Variants in TPRG1 observed in about 807,000 individuals in gnomAD.
TPRG1 encodes the protein tumor protein p63-regulated gene 1 protein.
A neutral mutation model predicts 29.3 loss-of-function variants in TPRG1; 29 were observed. The observed-to-expected ratio is 0.99, with a 90% confidence interval of 0.74 to 1.35. TPRG1 has a LOEUF of 1.35. Among genes scored for constraint, TPRG1 ranks in the 40% most tolerant of loss-of-function variants. TPRG1 has a pLI of 0.00. For missense variants in TPRG1, 327 were observed against 335.0 expected (o/e 0.98, Z 0.19); for synonymous variants, 130 against 116.8 (o/e 1.11, Z -0.73).
intron 1 of TPRG1, among the ~76,000 whole-genome samples, chr3:189,204,693 C>T (rs999788309): frequency 1.3e-5 from 2 of 152,158 alleles, no homozygotes; most frequent in African/African-American, 2.4e-5. Flanking sequence ...AGGAGCCTTT[C>T]GCAGATGTCT....
chr3:189,241,444 G>A (rs1483147926), intron 4 of TPRG1, among the ~76,000 whole-genome samples: 1 of 151,840 alleles, frequency 6.6e-6, no homozygotes, highest in Non-Finnish European at 1.5e-5. Flanking sequence ...TTCCTGTTGG[G>A]ATGTTTAATT....
At chr3:189,087,160 C>T (rs1008466374) in intron 4 of TPRG1, among the ~76,000 whole-genome samples, 1 of 152,192 alleles carries the variant, frequency 6.6e-6, no homozygotes, top group Non-Finnish European at 1.5e-5. Context: ...ACATCCTCTC[C>T]AGCACCTGTT....
intron 1 of TPRG1, among the ~76,000 whole-genome samples, chr3:189,186,756 G>A (rs1730972143): frequency 1.4e-5 from 2 of 147,740 alleles, no homozygotes. Context: ...TAGTACATAT[G>A]AAAAAAAAAA....
At chr3:189,254,572 C>G (rs1711512445) in intron 4 of TPRG1, among the ~76,000 whole-genome samples, 1 of 152,040 alleles carries the variant, frequency 6.6e-6, no homozygotes, top group Non-Finnish European at 1.5e-5. Flanking sequence ...TCAATGGTAG[C>G]TTGATGAGGA....
In TPRG1 at chr3:189,320,680, T is replaced by C. The variant is rs764928352; in HGVS notation, c.688T>C (p.Ser230Pro). The C allele has an allele frequency of 6.2e-7, 1 of 1,612,550 alleles. No individual in the cohort carries two copies. The highest frequency in any genetic ancestry group is 8.5e-7 in the Non-Finnish European group (1 of 1,179,214). The change falls in exon 6 of 6, where the codon TCA (serine) becomes CCA (proline). Residue 230 changes from serine (S) to proline (P), a missense_variant. Ser to Pro is a moderately conservative substitution (Grantham distance 74). Coordinates refer to ENST00000345063, the MANE Select transcript of TPRG1 (RefSeq NM_198485.4). ...VPAIQNAHKN[S>P]TGSGRGKKLM... ...AGCTATCCAGAATGCCCACAAGAAT[T>C]CAACTGGATCTGGAAGAGGAAAGAA... is the stretch of plus-strand genomic sequence containing the variant.
Position 189,207,493 on chromosome 3 carries a change from A to T in TPRG1, c.109A>T (p.Met37Leu). The T allele has an allele frequency of 6.2e-7, 1 of 1,614,110 alleles. No individual in the cohort carries two copies. The highest frequency in any genetic ancestry group is 8.5e-7 in the Non-Finnish European group (1 of 1,179,980). ...DHLSMEEEDP[M>L]PRQISRQSSV... is the part of the protein sequence containing the mutation. ...CCTATCGATGGAGGAAGAGGACCCG[A>T]TGCCAAGACAGATTTCAAGGCAGTC... Residue 37 changes from methionine (M) to leucine (L), a missense_variant, in exon 2 of 6, where the codon ATG (methionine) becomes TTG (leucine). Met to Leu is a conservative substitution (Grantham distance 15). Coordinates refer to ENST00000345063, the MANE Select transcript of TPRG1 (RefSeq NM_198485.4).
intron 2 of TPRG1, among the ~76,000 whole-genome samples, chr3:189,131,111 A>G (rs1318719304): frequency 6.6e-6 from 1 of 152,212 alleles, no homozygotes; most frequent in Admixed American, 6.5e-5. Flanking sequence ...ATAATTAGTA[A>G]TAATCTTACC....
At chr3:189,217,794 T>A in intron 3 of TPRG1, 1 of 978,558 alleles carries the variant, frequency 1.0e-6, no homozygotes. Flanking sequence ...GAAAAAATAA[T>A]TGTCAAAAAG....
chr3:189,103,615 A>G (rs866496067), intron 1 of TPRG1, among the ~76,000 whole-genome samples: 1 of 152,186 alleles, frequency 6.6e-6, no homozygotes. Context: ...GTGACAGACT[A>G]TTAGAAGTAA....
At chr3:189,106,909 C>T (rs1706324127) in intron 1 of TPRG1, among the ~76,000 whole-genome samples, 1 of 152,034 alleles carries the variant, frequency 6.6e-6, no homozygotes, top group Admixed American at 6.6e-5. Flanking sequence ...GCCGAGACTA[C>T]ATGTTTACTC....
chr3:189,114,870 C>A (rs146472742), intron 1 of TPRG1, among the ~76,000 whole-genome samples: 1 of 152,226 alleles, frequency 6.6e-6, no homozygotes, highest in East Asian at 1.9e-4. Flanking sequence ...TGAGGGATGG[C>A]AAGACTCAGA....
intron 4 of TPRG1, among the ~76,000 whole-genome samples, chr3:189,071,750 G>A (rs957752677): frequency 2.0e-5 from 3 of 152,198 alleles, no homozygotes; most frequent in East Asian, 1.9e-4. Context: ...AATGAGCAGA[G>A]TTACATTTTG....
chr3:189,314,555 A>T (rs560182275), intron 5 of TPRG1, among the ~76,000 whole-genome samples: 1 of 152,294 alleles, frequency 6.6e-6, no homozygotes, highest in African/African-American at 2.4e-5. Context: ...GCCTTTTCCC[A>T]GACAGTCTTG....
At chr3:189,311,239 A>G (rs184152376) in intron 5 of TPRG1, among the ~76,000 whole-genome samples, 103 of 152,328 alleles carry the variant, frequency 6.8e-4, no homozygotes, top group African/African-American at 2.3e-3. Flanking sequence ...ATCAAACTTT[A>G]TATTTTCAAT....
chr3:189,299,083 T>C (rs552738273), intron 4 of TPRG1, among the ~76,000 whole-genome samples: 1 of 152,278 alleles, frequency 6.6e-6, no homozygotes, highest in African/African-American at 2.4e-5. Context: ...GAATTTTTTT[T>C]TTTTTACTTA....
intron 4 of TPRG1, among the ~76,000 whole-genome samples, chr3:189,055,727 C>T (rs192430548): frequency 6.6e-6 from 1 of 152,206 alleles, no homozygotes; most frequent in Admixed American, 6.5e-5. Context: ...AGTAAAATTC[C>T]ACCCAAAGCT....
rs200347107 is a variant in TPRG1, at chr3:189,312,125, C to G, written c.633+1586C>G. Among the ~76,000 whole-genome samples the G allele has an allele frequency of 8.2e-3, 287 of 35,030 alleles. 2 individuals carry two copies. The highest frequency in any genetic ancestry group is 0.057 in the East Asian group (107 of 1,890). The allele number at this position is 35,030 out of a possible 152,430, so 23.0% of individuals were successfully genotyped here. A position where few individuals can be genotyped will look rare whatever the true frequency, so the allele number is the denominator to read the frequency against. On this transcript the variant is annotated intron_variant, in intron 5 of 5. Transcript: ENST00000345063. The stretch of plus-strand genomic sequence containing the variant: ...TCTTTGTTTCTTTCTTTGTTTCTTT[C>G]TTTCTTTCTTTCTTTCTTTCTTTCT...
intron 4 of TPRG1, among the ~76,000 whole-genome samples, chr3:189,072,110 G>T (rs1716845649): frequency 6.6e-6 from 1 of 152,202 alleles, no homozygotes; most frequent in Non-Finnish European, 1.5e-5. Flanking sequence ...TGTTCTCACT[G>T]AACTTGATTC....
At chr3:189,316,627 T>G (rs1270301687) in intron 5 of TPRG1, among the ~76,000 whole-genome samples, 1 of 152,032 alleles carries the variant, frequency 6.6e-6, no homozygotes, top group East Asian at 1.9e-4. Flanking sequence ...GGTAAATAAT[T>G]GGTGGAAAGT....
Sources: allele counts gnomAD v4.1 joint callset (sites outside exome capture counted in the v4.1 genomes callset), GRCh38; gene constraint gnomAD v4.1.1; transcripts MANE v1.5; gene names NCBI Gene and HGNC (gene_info 2026-07-23, HGNC 2026-07-21).